The following BOC variants were observed in gnomAD, a reference collection of about 807,000 sequenced individuals.
The protein encoded by BOC is brother of CDO.
In BOC, 76 loss-of-function variants were observed where a neutral mutation model predicts 112.0. The ratio of observed to expected loss-of-function variants is 0.68; its 90% confidence interval spans 0.56 to 0.82. The LOEUF is 0.82. Ranked by LOEUF, BOC falls within the 40% of genes least tolerant of loss-of-function variation. The pLI is 0.00. For missense variants in BOC, 1,309 were observed against 1,511.7 expected, an observed-to-expected ratio of 0.87 and a Z score of 2.22; for synonymous variants, 580 against 599.8, an observed-to-expected ratio of 0.97 and a Z score of 0.48.
intron 2 of BOC, among the ~76,000 whole-genome samples, chr3:113,236,859 T>C (rs1485296069): frequency 6.6e-6 from 1 of 152,232 alleles, no homozygotes; most frequent in Non-Finnish European, 1.5e-5. Context: ...CCCGAATTAC[T>C]GCATGATTGG....
intron 2 of BOC, among the ~76,000 whole-genome samples, chr3:113,224,079 T>G (rs1043706850): frequency 6.6e-6 from 1 of 152,232 alleles, no homozygotes; most frequent in Non-Finnish European, 1.5e-5. Flanking sequence ...CTCGATAGTT[T>G]GTTTTACTTG....
chr3:113,273,395 T>C, intron 8 of BOC, 54 bp downstream of exon 8: 2 of 1,510,138 alleles, frequency 1.3e-6, no homozygotes, highest in South Asian at 2.6e-5. Flanking sequence ...TGAATCCTTT[T>C]CTCAAATGAA....
chr3:113,269,349 C>A (rs962471924), intron 5 of BOC: 13 of 152,154 alleles, frequency 8.5e-5, no homozygotes, highest in Non-Finnish European at 1.8e-4. Flanking sequence ...TCCCCGAAGT[C>A]AAAGACAGCT....
intron 2 of BOC, among the ~76,000 whole-genome samples, chr3:113,234,477 C>T (rs1399979782): frequency 6.6e-6 from 1 of 152,188 alleles, no homozygotes; most frequent in Non-Finnish European, 1.5e-5. Flanking sequence ...ATAAAATCCA[C>T]AGTTTATCTT....
intron 2 of BOC, among the ~76,000 whole-genome samples, chr3:113,219,115 C>T (rs1303374578): frequency 6.6e-6 from 1 of 152,344 alleles, no homozygotes. Context: ...GCAAGCCTCC[C>T]TCCCAAGAGA....
intron 2 of BOC, among the ~76,000 whole-genome samples, chr3:113,233,150 T>G (rs370725086): frequency 0.016 from 1,183 of 73,122 alleles, 16 homozygotes; most frequent in African/African-American, 0.07. Context: ...AGGATTGGGG[T>G]GTGTGTGTGT....
chr3:113,232,716 T>C (rs533520743), intron 2 of BOC, among the ~76,000 whole-genome samples: 55 of 152,304 alleles, frequency 3.6e-4, no homozygotes, highest in African/African-American at 1.3e-3. Flanking sequence ...ATATTTTTTG[T>C]GAAGTACTGG....
intron 2 of BOC, among the ~76,000 whole-genome samples, chr3:113,246,805 T>C (rs1001843627): frequency 6.6e-6 from 1 of 152,130 alleles, no homozygotes. Context: ...GGTTAACTCC[T>C]TTCTCCCTCT....
At chr3:113,242,699 C>G (rs933647505) in intron 2 of BOC, among the ~76,000 whole-genome samples, 1 of 152,076 alleles carries the variant, frequency 6.6e-6, no homozygotes, top group African/African-American at 2.4e-5. Flanking sequence ...TATATATTCC[C>G]TTGCTCAAAA....
chr3:113,258,725 T>C (rs9878424), intron 4 of BOC, among the ~76,000 whole-genome samples: 10,180 of 152,298 alleles, frequency 0.067, 387 homozygotes, highest in Middle Eastern at 0.11. Flanking sequence ...GTGAGCCTGC[T>C]TTGGCTGGGA....
chr3:113,229,646 A>G (rs1423930699), intron 2 of BOC, among the ~76,000 whole-genome samples: 5 of 152,264 alleles, frequency 3.3e-5, no homozygotes, highest in African/African-American at 1.2e-4. Flanking sequence ...ATCTGGGGAA[A>G]TCTGAGAGAA....
rs1460397936 is a variant in BOC at position 113,274,973 on chromosome 3, T to C, written c.1542+291T>C. ...CCCAGAAGCTCACACTGGCTTCTAG[T>C]CCCTGAGGAGACCGTGAACAGTCTC... On this transcript the variant is annotated intron_variant, in intron 9 of 19. Coordinates refer to ENST00000682979, the MANE Select transcript of BOC (RefSeq NM_001378074.1). This position sits in a 1 kb window ranked among gnomAD's most constrained non-coding sequence, Gnocchi z 4.8. Among the ~76,000 whole-genome samples the C allele has an allele frequency of 3.9e-5, 6 of 152,228 alleles. No homozygotes were observed. Among genetic ancestry groups the C allele is most frequent in the Non-Finnish European group, 8.8e-5 (6 of 68,036 alleles).
At chr3:113,265,595 C>CA (rs1381200326) in intron 4 of BOC, among the ~76,000 whole-genome samples, 1 of 152,178 alleles carries the variant, frequency 6.6e-6, no homozygotes, top group Non-Finnish European at 1.5e-5. Context: ...TTTCAGAAAA[C>CA]AAAGTTACCG....
At chr3:113,228,241 G>A (rs946863912) in intron 2 of BOC, among the ~76,000 whole-genome samples, 2 of 152,114 alleles carry the variant, frequency 1.3e-5, no homozygotes, top group Non-Finnish European at 2.9e-5. Flanking sequence ...AGTGCTTAGC[G>A]CACCATCCTG....
Position 113,268,399 on chromosome 3 carries a change from C to T in BOC, c.477C>T (p.Ala159=), listed in dbSNP as rs917923989. Residue 159 remains alanine, a synonymous_variant, in exon 5 of 20, where the codon GCC becomes GCT. Coordinates refer to ENST00000682979, the MANE Select transcript of BOC (RefSeq NM_001378074.1). ...ACCTGCCTGAGAGCCACCCCAAAGC[C>T]CAGGTCCGGTACAGCGTCAAACAAG... ...ACHLPESHPK[A]QVRYSVKQEW... 16 of 1,614,044 alleles carry T rather than the reference C, an allele frequency of 9.9e-6. No homozygotes were observed. The highest frequency in any genetic ancestry group is 1.3e-5 in the Non-Finnish European group (15 of 1,180,028).
chr3:113,266,436 A>T (rs1354872074), intron 4 of BOC, among the ~76,000 whole-genome samples: 1 of 152,230 alleles, frequency 6.6e-6, no homozygotes, highest in East Asian at 1.9e-4. Context: ...GTCTCAAGAA[A>T]CATTGTATTT....
chr3:113,278,021 C>T lies in BOC; in HGVS notation c.1543-74C>T, dbSNP rs1392918502. On this transcript the variant is annotated intron_variant, in intron 9 of 19. Transcript: ENST00000682979. This position sits in a 1 kb window ranked among gnomAD's most constrained non-coding sequence, Gnocchi z 4.2. ...TCCTGCCCTCTTGGGCTCAGCGCTGCTTTCTTTGTAAACCATAGCCCACTC... is the reference window on the plus strand; with the variant it reads ...TCCTGCCCTCTTGGGCTCAGCGCTGTTTTCTTTGTAAACCATAGCCCACTC... 5.7e-6 allele frequency: 9 copies of T among 1,565,654 alleles called. No homozygotes were observed. The highest frequency in any genetic ancestry group is 7.0e-6 in the Non-Finnish European group (8 of 1,144,982).
At chr3:113,235,767 T>C (rs1331937779) in intron 2 of BOC, among the ~76,000 whole-genome samples, 1 of 152,248 alleles carries the variant, frequency 6.6e-6, no homozygotes, top group Non-Finnish European at 1.5e-5. Context: ...CAAAACATTA[T>C]ATAGAATATG....
Position 113,278,269 on chromosome 3 carries a change from A to T in BOC, c.1705+12A>T. The T allele has an allele frequency of 6.2e-7, 1 of 1,613,570 alleles. No homozygotes were observed. The highest frequency in any genetic ancestry group is 8.5e-7 in the Non-Finnish European group (1 of 1,179,558). ...CACCTTCCGAACTGGTGAGAGTCAAACATTGCCCCTTGCTTAGGGTTTCCG... is the reference window on the plus strand; with the variant it reads ...CACCTTCCGAACTGGTGAGAGTCAATCATTGCCCCTTGCTTAGGGTTTCCG... On this transcript the variant is annotated intron_variant, in intron 10 of 19. Coordinates refer to ENST00000682979, the MANE Select transcript of BOC (RefSeq NM_001378074.1). This position sits in a 1 kb window ranked among gnomAD's most constrained non-coding sequence, Gnocchi z 4.2.
Sources: gnomAD v4.1 joint callset for allele counts (sites outside exome capture counted in the v4.1 genomes callset) on GRCh38, gnomAD v4.1.1 for gene constraint, Gnocchi (gnomAD v3.1) non-coding constraint, MANE v1.5 for transcripts, NCBI Gene and HGNC (gene_info 2026-07-23, HGNC 2026-07-21) for gene names.